HAVCR1: variants seen among roughly 807,000 people sequenced by gnomAD.
HAVCR1 encodes hepatitis A virus cellular receptor 1.
A neutral mutation model predicts 32.0 loss-of-function variants in HAVCR1; 34 were observed. The observed-to-expected ratio is 1.06, with a 90% CI of 0.81 to 1.42. The LOEUF (loss-of-function observed/expected upper bound fraction) is 1.42. HAVCR1 is among the 40% of genes most tolerant of loss of function. The pLI is 0.00. For synonymous variants in HAVCR1, 178 were observed against 170.3 expected (o/e 1.05, Z -0.35); for missense variants, 420 against 442.3 (o/e 0.95, Z 0.45).
At position 157,059,024 on chromosome 5, in the gene HAVCR1, C is replaced by A. The variant is rs901688282; in HGVS notation, c.-116G>T. 3.9e-5 allele frequency: 6 copies of A among 152,282 alleles called. No homozygotes were observed. The highest frequency in any genetic ancestry group is 1.2e-4 in the African/African-American group (5 of 41,570). 9.4% of individuals were successfully genotyped at this position (152,282 alleles called of 1,614,324 possible). ...CAGTTGTAAAATAGCACTAAAAATG[C>A]TTCCTCTATCTCCCACCAAGGATTG... On this transcript the variant is annotated 5_prime_UTR_variant, in exon 1 of 9. Coordinates refer to ENST00000523175, the MANE Select transcript of HAVCR1 (RefSeq NM_001173393.3).
chr5:157,048,920 C>A, intron 5 of HAVCR1, 118 bp downstream of exon 5: 1 of 678,136 alleles, frequency 1.5e-6, no homozygotes, highest in Non-Finnish European at 2.7e-6. Flanking sequence ...AATGACTGAT[C>A]TGTGTGCCTG....
At chr5:157,054,723 T>A (rs1372044987) in intron 3 of HAVCR1, among the ~76,000 whole-genome samples, 2 of 152,224 alleles carry the variant, frequency 1.3e-5, no homozygotes, top group Admixed American at 1.3e-4. Flanking sequence ...AAGAAGGATA[T>A]GTTGTCTGCT....
At chr5:157,056,356 A>G (rs80276972) in intron 2 of HAVCR1, among the ~76,000 whole-genome samples, 3 of 148,246 alleles carry the variant, frequency 2.0e-5, no homozygotes, top group Non-Finnish European at 1.5e-5. Flanking sequence ...TTTTTTTTTT[A>G]GACAAAGTCT....
intron 7 of HAVCR1, among the ~76,000 whole-genome samples, chr5:157,035,582 C>T (rs1754476745): frequency 6.6e-6 from 1 of 152,010 alleles, no homozygotes; most frequent in South Asian, 2.1e-4. Context: ...GCCTCTTCTG[C>T]TAAATGAGTG....
At position 157,052,579 on chromosome 5, in the gene HAVCR1, G is replaced by T. The variant is rs114193906; in HGVS notation, c.455C>A (p.Thr152Lys). The change falls in exon 4 of 9, where the codon ACG becomes AAG. Residue 152 changes from threonine to lysine, a missense_variant. Thr to Lys is a moderately conservative substitution (Grantham distance 78). Transcript: ENST00000523175. ...TTVRTSTTVP[T>K]TTTVPMTTVP... ...AGTCGTCATTGGAACAGTCGTTGTC[G>T]TTGGAACAGTGGTGCTCGTTCGAAC... The T allele has an allele frequency of 6.2e-7, 1 of 1,610,686 alleles. No individual in the cohort carries two copies. Among genetic ancestry groups the T allele is most frequent in the East Asian group, 2.2e-5 (1 of 44,780 alleles).
intron 8 of HAVCR1, among the ~76,000 whole-genome samples, chr5:157,031,634 A>ACATGG (rs1048520777): frequency 3.9e-5 from 6 of 152,052 alleles, no homozygotes; most frequent in African/African-American, 1.4e-4. Context: ...GACCAGCCTA[A>ACATGG]CATGGCAGAA....
intron 5 of HAVCR1, among the ~76,000 whole-genome samples, chr5:157,047,109 A>G (rs1304887933): frequency 6.6e-6 from 1 of 152,142 alleles, no homozygotes; most frequent in Non-Finnish European, 1.5e-5. Context: ...AGGAAACAAT[A>G]TTGGACTTTC....
At chr5:157,049,244 C>A in intron 4 of HAVCR1, 99 bp from the exon 5 acceptor site, 2 of 808,404 alleles carry the variant, frequency 2.5e-6, no homozygotes, top group South Asian at 1.5e-5. Flanking sequence ...TTACCATCAC[C>A]TTTCCATGGG....
intron 3 of HAVCR1, among the ~76,000 whole-genome samples, chr5:157,054,150 C>G (rs1755960025): frequency 6.7e-6 from 1 of 148,270 alleles, no homozygotes; most frequent in African/African-American, 2.5e-5. Flanking sequence ...CACCACCGCA[C>G]TCCAGCCTGC....
chr5:157,048,416 GAAT>G (rs1410642738), intron 5 of HAVCR1, among the ~76,000 whole-genome samples: 4 of 152,118 alleles, frequency 2.6e-5, no homozygotes, highest in Non-Finnish European at 4.4e-5. Context: ...ATGTTCTAAG[GAAT>G]AATAATAATA....
At chr5:157,031,685 T>C (rs2113470251) in intron 8 of HAVCR1, among the ~76,000 whole-genome samples, 1 of 150,016 alleles carries the variant, frequency 6.7e-6, no homozygotes, top group African/African-American at 2.5e-5. Flanking sequence ...CCAGGCATGG[T>C]GGCAGGTGCC....
chr5:157,030,874 A>G (rs1329392469), intron 8 of HAVCR1, among the ~76,000 whole-genome samples: 1 of 152,190 alleles, frequency 6.6e-6, no homozygotes, highest in Non-Finnish European at 1.5e-5. Context: ...AAGCTCCACT[A>G]TGGTCCCTAA....
chr5:157,055,185 T>G lies in HAVCR1; in HGVS notation c.379+16A>C, dbSNP rs576962484. 5 of 1,351,264 alleles carry G rather than the reference T, an allele frequency of 3.7e-6. No homozygotes were observed. The highest frequency in any genetic ancestry group is 2.3e-5 in the East Asian group (1 of 42,744). 83.7% of individuals were successfully genotyped at this position (1,351,264 alleles called of 1,614,324 possible). ...AAATTCAATTAACTAGCAAGAAATA[T>G]CAAAGAAAAACTTACGTGGCACAAT... On this transcript the variant is annotated intron_variant, in intron 3 of 8. Coordinates refer to ENST00000523175, the MANE Select transcript of HAVCR1 (RefSeq NM_001173393.3).
intron 3 of HAVCR1, among the ~76,000 whole-genome samples, chr5:157,053,171 C>T (rs1581721945): frequency 1.3e-5 from 2 of 150,798 alleles, no homozygotes; most frequent in African/African-American, 2.4e-5. Context: ...TGGACTACTT[C>T]AGCTCAGGAG....
At chr5:157,066,672 C>T in the HAVCR1 span, among the ~76,000 whole-genome samples, 2 of 151,912 alleles carry the variant, frequency 1.3e-5, no homozygotes, top group Non-Finnish European at 2.9e-5. Context: ...ATCCTTTGTC[C>T]AAGTAGAAGG....
At chr5:157,058,011 T>C in intron 1 of HAVCR1, 56 bp from the exon 2 acceptor site, 1 of 1,214,608 alleles carries the variant, frequency 8.2e-7, no homozygotes, top group South Asian at 1.2e-5. Context: ...TGGTATCTGA[T>C]CAAGTCTTAA....
intron 8 of HAVCR1, among the ~76,000 whole-genome samples, chr5:157,031,090 T>C (rs953004118): frequency 5.3e-5 from 8 of 152,100 alleles, no homozygotes; most frequent in Non-Finnish European, 1.2e-4. Context: ...TTCGTGAGAT[T>C]GAGTCCTTTA....
At chr5:157,052,979 A>G (rs1333051381) in intron 3 of HAVCR1, among the ~76,000 whole-genome samples, 1 of 152,188 alleles carries the variant, frequency 6.6e-6, no homozygotes, top group Non-Finnish European at 1.5e-5. Flanking sequence ...CAGTGGCATG[A>G]TCAACTCACT....
chr5:157,046,483 A>T (rs1198158841), intron 5 of HAVCR1, among the ~76,000 whole-genome samples: 1 of 152,210 alleles, frequency 6.6e-6, no homozygotes, highest in Non-Finnish European at 1.5e-5. Context: ...GACTTGAAAG[A>T]ATAGTAAGGA....
Sources: gnomAD v4.1 joint callset for allele counts (sites outside exome capture counted in the v4.1 genomes callset) on GRCh38, gnomAD v4.1.1 for gene constraint, MANE v1.5 for transcripts, NCBI Gene and HGNC (gene_info 2026-07-23, HGNC 2026-07-21) for gene names.